KCNT2: variants seen among roughly 807,000 people sequenced by gnomAD.
KCNT2 encodes the protein potassium channel subfamily T member 2.
A neutral mutation model predicts 153.8 loss-of-function variants in KCNT2; 67 were observed. The observed-to-expected ratio is 0.44, with a 90% CI of 0.36 to 0.53. KCNT2 has a LOEUF of 0.53. KCNT2 is among the 20% of genes least tolerant of loss of function. The pLI is 0.00. For missense variants in KCNT2, 975 were observed against 1,354.8 expected (o/e 0.72, Z 4.40); for synonymous variants, 500 against 458.8 (o/e 1.09, Z -1.15).
chr1:196,313,065 T>A (rs1352972944), intron 21 of KCNT2, among the ~76,000 whole-genome samples: 1 of 151,514 alleles, frequency 6.6e-6, no homozygotes, highest in African/African-American at 2.4e-5. Context: ...TAGTAGATAA[T>A]CAGTAATTAT....
At position 196,568,499 on chromosome 1, in the gene KCNT2, G is replaced by A. The variant is rs1359236569; in HGVS notation, c.95+39716C>T. Among the ~76,000 whole-genome samples, 3 of 151,840 alleles carry A rather than the reference G, an allele frequency of 2.0e-5. No homozygotes were observed. In the East Asian group the frequency reaches 5.8e-4, roughly 29 times the overall value. On this transcript the variant is annotated intron_variant, in intron 1 of 27. Transcript: ENST00000294725. ...TAGTCCCAGCTACACGGAAGCCTGA[G>A]GCAGGAAAATGGAGTGAACCCGGGA... is the stretch of plus-strand genomic sequence containing the variant.
At chr1:196,338,587 A>G (rs1257786227) in intron 16 of KCNT2, among the ~76,000 whole-genome samples, 1 of 152,100 alleles carries the variant, frequency 6.6e-6, no homozygotes, top group Non-Finnish European at 1.5e-5. Context: ...CAGAATTTAG[A>G]CTTTTTTTTC....
chr1:196,404,076 T>C, intron 12 of KCNT2: 1 of 747,164 alleles, frequency 1.3e-6, no homozygotes, highest in African/African-American at 1.9e-5. Context: ...GTCCTCCCTT[T>C]TCCCAAAAGA....
intron 26 of KCNT2, among the ~76,000 whole-genome samples, chr1:196,238,431 T>C (rs146442975): frequency 9.8e-4 from 149 of 152,110 alleles, no homozygotes; most frequent in African/African-American, 3.4e-3. Context: ...TTCAATTCAA[T>C]TATTATACAT....
chr1:196,308,559 C>T (rs944382695), intron 21 of KCNT2, among the ~76,000 whole-genome samples: 1 of 151,964 alleles, frequency 6.6e-6, no homozygotes, highest in Non-Finnish European at 1.5e-5. Flanking sequence ...TCAATAGTTT[C>T]TAACTTGTGT....
chr1:196,331,445 C>T (rs12402127), intron 17 of KCNT2, among the ~76,000 whole-genome samples, 184 bp from the exon 18 acceptor site: 20,908 of 151,916 alleles, frequency 0.14, 2,462 homozygotes, highest in African/African-American at 0.32. Context: ...AAATATGGCC[C>T]TCCACATGGT....
chr1:196,568,451 C>A lies in KCNT2; in HGVS notation c.95+39764G>T, dbSNP rs1215388402. Among the ~76,000 whole-genome samples the A allele has an allele frequency of 3.3e-5, 5 of 151,966 alleles. No individual in the cohort carries two copies. The East Asian group carries it at 9.7e-4, about 29-fold the overall frequency. ...TACTAAACAAAATACAAAAAATTAG[C>A]CGGGTGTGGTGGCCGGCGCCTATAG... is the stretch of plus-strand genomic sequence containing the variant. On this transcript the variant is annotated intron_variant, in intron 1 of 27. Transcript: ENST00000294725.
At chr1:196,257,556 A>G (rs1334734015) in intron 26 of KCNT2, 1 of 920,828 alleles carries the variant, frequency 1.1e-6, no homozygotes, top group Non-Finnish European at 1.3e-6. Context: ...TCATACACTG[A>G]TAAATGATAT....
intron 14 of KCNT2, among the ~76,000 whole-genome samples, chr1:196,367,146 T>G (rs1356257188): frequency 6.6e-6 from 1 of 152,194 alleles, no homozygotes; most frequent in Non-Finnish European, 1.5e-5. Context: ...GAGATAAATT[T>G]CTTTATCATA....
At chr1:196,559,415 C>G (rs763824020) in intron 1 of KCNT2, among the ~76,000 whole-genome samples, 1 of 151,602 alleles carries the variant, frequency 6.6e-6, no homozygotes, top group Non-Finnish European at 1.5e-5. Flanking sequence ...TCGATTGTTT[C>G]CAGTTTTATG....
At chr1:196,568,050 G>T (rs1341707609) in intron 1 of KCNT2, among the ~76,000 whole-genome samples, 1 of 152,144 alleles carries the variant, frequency 6.6e-6, no homozygotes, top group East Asian at 1.9e-4. Context: ...AGTATCTTTT[G>T]TCTGCTCTCT....
chr1:196,317,541 C>T (rs1377036664), intron 20 of KCNT2, among the ~76,000 whole-genome samples: 1 of 151,660 alleles, frequency 6.6e-6, no homozygotes, highest in Non-Finnish European at 1.5e-5. Flanking sequence ...CATAATTTTA[C>T]ATCACTTTCT....
rs193062224 is a variant in KCNT2, at chr1:196,511,707, A to G, written c.96-19366T>C. Among the ~76,000 whole-genome samples, 220 of 152,244 alleles carry G rather than the reference A, an allele frequency of 1.4e-3. 2 individuals are homozygous for G. The Middle Eastern group carries it at 0.024, about 16-fold the overall frequency. On this transcript the variant is annotated intron_variant, in intron 1 of 27. Coordinates refer to ENST00000294725, the MANE Select transcript of KCNT2 (RefSeq NM_198503.5). The stretch of plus-strand genomic sequence containing the variant: ...ATGTCTGGTTACTCACTGTGTCCTC[A>G]TATCATCTTTCCTCTGTGCATACGG...
At chr1:196,599,851 T>A (rs1307753915) in intron 1 of KCNT2, among the ~76,000 whole-genome samples, 1 of 152,162 alleles carries the variant, frequency 6.6e-6, no homozygotes, top group African/African-American at 2.4e-5. Flanking sequence ...CTGCCTCACA[T>A]CCAAGAGCAT....
intron 21 of KCNT2, 47 bp from the exon 22 acceptor site, chr1:196,305,392 T>C: frequency 3.0e-6 from 3 of 1,002,210 alleles, no homozygotes; most frequent in Non-Finnish European, 4.8e-6. Context: ...TCCAATATGG[T>C]ATTTTTTATA....
chr1:196,378,774 AAATC>A (rs1283583207), intron 13 of KCNT2, among the ~76,000 whole-genome samples: 1 of 148,026 alleles, frequency 6.8e-6, no homozygotes, highest in Non-Finnish European at 1.5e-5. Flanking sequence ...AATATCTACT[AAATC>A]AATATATAAT....
At chr1:196,429,102 C>T (rs1673908712) in intron 9 of KCNT2, among the ~76,000 whole-genome samples, 1 of 151,788 alleles carries the variant, frequency 6.6e-6, no homozygotes, top group Admixed American at 6.6e-5. Context: ...CCTCAGCCTC[C>T]CAAAATACTG....
At chr1:196,551,989 A>T (rs1657966658) in intron 1 of KCNT2, among the ~76,000 whole-genome samples, 1 of 151,526 alleles carries the variant, frequency 6.6e-6, no homozygotes, top group African/African-American at 2.4e-5. Context: ...TCACTATATT[A>T]AAAATAATGT....
At chr1:196,590,934 T>C (rs371240631) in intron 1 of KCNT2, among the ~76,000 whole-genome samples, 8 of 152,186 alleles carry the variant, frequency 5.3e-5, no homozygotes, top group African/African-American at 1.9e-4. Flanking sequence ...AAGACCTGCC[T>C]GGGCAACATG....
Sources: gnomAD v4.1 joint callset for allele counts (sites outside exome capture counted in the v4.1 genomes callset) on GRCh38, gnomAD v4.1.1 for gene constraint, MANE v1.5 for transcripts, NCBI Gene and HGNC (gene_info 2026-07-23, HGNC 2026-07-21) for gene names.